The following MBP variants were observed in gnomAD, a reference collection of about 807,000 sequenced individuals.
The protein encoded by MBP is myelin basic protein, also known as Golli-MBP.
A neutral mutation model predicts 35.8 loss-of-function variants in MBP; 16 were observed. That is an observed-to-expected ratio of 0.45 (90% CI 0.30 to 0.68). The LOEUF is 0.68. Among genes scored for constraint, MBP ranks in the 30% least tolerant of loss-of-function variants. The pLI is 0.08. For missense variants in MBP, 380 were observed against 404.7 expected (o/e 0.94, Z 0.52); for synonymous variants, 143 against 159.6 (o/e 0.90, Z 0.78).
chr18:77,073,770 T>TA (rs140223347), intron 2 of MBP, among the ~76,000 whole-genome samples: 2,026 of 152,322 alleles, frequency 0.013, 38 homozygotes, highest in African/African-American at 0.046. Flanking sequence ...AGCAACTGGT[T>TA]ATGTAAGAGG....
At chr18:77,017,763 G>A (rs1255949632) in intron 3 of MBP, 3 of 152,482 alleles carry the variant, frequency 2.0e-5, no homozygotes, top group Non-Finnish European at 2.9e-5. Flanking sequence ...TGAAAGAAGT[G>A]GGGCATTTAG....
chr18:77,048,624 C>T (rs470567), intron 3 of MBP, among the ~76,000 whole-genome samples: 5,278 of 152,058 alleles, frequency 0.035, 321 homozygotes, highest in African/African-American at 0.12. Context: ...CCACCACGGC[C>T]GGCTAATTTT....
Position 77,101,729 on chromosome 18 carries a change from G to T in MBP, c.51+3482C>A, listed in dbSNP as rs538171121. Among the ~76,000 whole-genome samples the T allele has an allele frequency of 6.6e-6, 1 of 152,052 alleles. No homozygotes were observed. Among genetic ancestry groups the T allele is most frequent in the African/African-American group, 2.4e-5 (1 of 41,384 alleles). On this transcript the variant is annotated intron_variant, in intron 2 of 8. Transcript: ENST00000355994. The surrounding 1 kb of genome is among the most constrained non-coding windows in gnomAD (Gnocchi z 4.3). ...GTTTCTCTTCCTCTTACATCCTGCC[G>T]TGGCTTATTCGGGATGAGAGAGAAG...
At chr18:77,028,730 C>T (rs1297416381) in intron 3 of MBP, among the ~76,000 whole-genome samples, 2 of 95,622 alleles carry the variant, frequency 2.1e-5, no homozygotes, top group Admixed American at 1.1e-4. Flanking sequence ...CCGGACGGGG[C>T]GGCTGGCCAG....
intron 4 of MBP, chr18:77,012,908 C>G: frequency 1.0e-6 from 1 of 985,442 alleles, no homozygotes; most frequent in Middle Eastern, 5.2e-4. Context: ...CCATCAAATA[C>G]ATTCCCATGA....
intron 8 of MBP, 135 bp downstream of exon 8, chr18:76,984,640 G>A (rs1273151162): frequency 1.2e-5 from 15 of 1,236,086 alleles, no homozygotes; most frequent in African/African-American, 3.0e-5. Context: ...GCCCCTGCAC[G>A]CCTGCTGGGA....
chr18:77,031,319 G>A (rs1972533455), intron 3 of MBP, among the ~76,000 whole-genome samples: 1 of 152,192 alleles, frequency 6.6e-6, no homozygotes, highest in Admixed American at 6.5e-5. Flanking sequence ...GAGGCTGTGA[G>A]CATGCCCGCC....
At chr18:76,995,174 C>T (rs1003948481) in intron 4 of MBP, among the ~76,000 whole-genome samples, 1 of 152,118 alleles carries the variant, frequency 6.6e-6, no homozygotes, top group Admixed American at 6.5e-5. Context: ...CTAGAAAATG[C>T]TGGTGGAAGA....
intron 1 of MBP, among the ~76,000 whole-genome samples, chr18:77,118,366 G>A (rs1335138910): frequency 1.3e-5 from 2 of 151,932 alleles, no homozygotes; most frequent in African/African-American, 4.8e-5. Context: ...TGGATTCTGG[G>A]GGCTTTGCAC....
At chr18:77,029,795 C>A (rs1021067447) in intron 3 of MBP, among the ~76,000 whole-genome samples, 2 of 151,290 alleles carry the variant, frequency 1.3e-5, no homozygotes, top group African/African-American at 4.9e-5. Flanking sequence ...CACACACAAA[C>A]ACACACACAC....
chr18:76,984,033 C>A (rs1969379783), intron 8 of MBP: 1 of 152,280 alleles, frequency 6.6e-6, no homozygotes, highest in Non-Finnish European at 1.5e-5. Flanking sequence ...ACGGTTCCCT[C>A]CCGGCCCTGC....
At chr18:77,043,993 T>C (rs919576296) in intron 3 of MBP, among the ~76,000 whole-genome samples, 6 of 150,916 alleles carry the variant, frequency 4.0e-5, no homozygotes, top group Non-Finnish European at 7.4e-5. Context: ...CTGTGTCTCC[T>C]GATTTCTGCG....
Position 76,980,381 on chromosome 18 carries a change from G to GT in MBP, c.*45dup. On this transcript the variant is annotated 3_prime_UTR_variant, in exon 9 of 9. Coordinates refer to ENST00000355994, the MANE Select transcript of MBP (RefSeq NM_001025101.2). Reference sequence around the variant, plus strand: ...CAAGTGGGATTAAAGTTTTAAGGCAGTTATATTAAGAAGCTGAGGACAGGA... The same window carrying GT: ...CAAGTGGGATTAAAGTTTTAAGGCAGTTTATATTAAGAAGCTGAGGACAGGA... 6.4e-7 allele frequency: 1 copy of GT among 1,569,700 alleles called. No individual in the cohort carries two copies. Among genetic ancestry groups the GT allele is most frequent in the South Asian group, 1.1e-5 (1 of 90,168 alleles).
chr18:77,006,374 C>T (rs916132658), intron 4 of MBP: 3 of 152,452 alleles, frequency 2.0e-5, no homozygotes, highest in Admixed American at 6.5e-5. Context: ...GGAGCTGGCA[C>T]CGTTGGCGGG....
chr18:77,082,788 T>C (rs937108148), intron 2 of MBP, among the ~76,000 whole-genome samples: 1 of 133,240 alleles, frequency 7.5e-6, no homozygotes, highest in Non-Finnish European at 1.7e-5. Flanking sequence ...GGGGACGCCA[T>C]GTGGCTCAGA....
intron 4 of MBP, among the ~76,000 whole-genome samples, chr18:77,001,252 C>T (rs1228460823): frequency 6.6e-6 from 1 of 152,182 alleles, no homozygotes; most frequent in African/African-American, 2.4e-5. Flanking sequence ...AGGGCTGGGG[C>T]TTGGGGGTTC....
chr18:77,032,992 G>A (rs1972597353), intron 3 of MBP, among the ~76,000 whole-genome samples: 1 of 152,128 alleles, frequency 6.6e-6, no homozygotes, highest in Non-Finnish European at 1.5e-5. Context: ...TTTTGAGGCT[G>A]AGTCTCACTC....
At chr18:77,070,950 T>A (rs1471348010) in intron 2 of MBP, among the ~76,000 whole-genome samples, 1 of 152,094 alleles carries the variant, frequency 6.6e-6, no homozygotes, top group Non-Finnish European at 1.5e-5. Flanking sequence ...GTGTGAGAGA[T>A]CTCCTACCTG....
intron 1 of MBP, among the ~76,000 whole-genome samples, chr18:77,121,422 G>A (rs1249519322): frequency 6.6e-6 from 1 of 152,184 alleles, no homozygotes; most frequent in African/African-American, 2.4e-5. Context: ...TTCCTAATGA[G>A]GCTTTAACCC....
Sources: gnomAD v4.1 joint callset for allele counts (sites outside exome capture counted in the v4.1 genomes callset) on GRCh38, gnomAD v4.1.1 for gene constraint, Gnocchi (gnomAD v3.1) non-coding constraint, MANE v1.5 for transcripts, NCBI Gene and HGNC (gene_info 2026-07-23, HGNC 2026-07-21) for gene names.